The following CCDC73 variants were observed in gnomAD, a reference collection of about 807,000 sequenced individuals.
CCDC73 encodes coiled-coil domain containing 73.
CCDC73 carries 95 observed loss-of-function variants against 116.5 expected under a neutral mutation model. That is an observed-to-expected ratio of 0.82 (90% CI 0.69 to 0.97). The LOEUF is 0.97. Ranked by LOEUF, CCDC73 falls within the 50% of genes least tolerant of loss-of-function variation. The pLI is 0.00. For missense variants in CCDC73, 1,066 were observed against 1,206.8 expected, an observed-to-expected ratio of 0.88 and a Z score of 1.73; for synonymous variants, 398 against 401.3, an observed-to-expected ratio of 0.99 and a Z score of 0.10.
intron 2 of CCDC73, among the ~76,000 whole-genome samples, chr11:32,737,261 G>A (rs889243001): frequency 0.01 from 1,508 of 147,924 alleles, 28 homozygotes; most frequent in African/African-American, 0.036. Flanking sequence ...GTGTGTGTGT[G>A]TGTGTGTGTG....
chr11:32,793,411 T>A (rs1850693802), intron 1 of CCDC73, among the ~76,000 whole-genome samples: 1 of 152,126 alleles, frequency 6.6e-6, no homozygotes, highest in Non-Finnish European at 1.5e-5. Flanking sequence ...TAGGAATTTA[T>A]CACAACTAAA....
intron 6 of CCDC73, among the ~76,000 whole-genome samples, chr11:32,685,608 C>A (rs1856190655): frequency 6.6e-6 from 1 of 151,964 alleles, no homozygotes; most frequent in African/African-American, 2.4e-5. Context: ...GCAAGGGGAC[C>A]CAAATCATTG....
intron 1 of CCDC73, among the ~76,000 whole-genome samples, chr11:32,771,858 C>T (rs1340531124): frequency 2.0e-5 from 3 of 152,194 alleles, no homozygotes; most frequent in Non-Finnish European, 4.4e-5. Flanking sequence ...ACTAGGATTG[C>T]CTTACAATTT....
At chr11:32,797,032 A>AAAAAAAAAAAAAC, upstream of CCDC73, among the ~76,000 whole-genome samples, 1 of 150,788 alleles carries the variant, frequency 6.6e-6, no homozygotes, top group African/African-American at 2.5e-5. Flanking sequence ...AAAAAAAAAA[A>AAAAAAAAAAAAAC]AAGTAACAAC....
chr11:32,669,813 A>C (rs1856019838), intron 9 of CCDC73, among the ~76,000 whole-genome samples: 2 of 152,230 alleles, frequency 1.3e-5, no homozygotes, highest in Non-Finnish European at 2.9e-5. Context: ...TTCGTGGCTG[A>C]ATAGTACTCC....
At chr11:32,766,666 T>TACACCAA (rs1850445258) in intron 1 of CCDC73, among the ~76,000 whole-genome samples, 2 of 152,220 alleles carry the variant, frequency 1.3e-5, no homozygotes. Context: ...AGCATTCTTA[T>TACACCAA]ACACCAATAA....
chr11:32,822,763 G>A, the CCDC73 span, among the ~76,000 whole-genome samples: 2 of 150,466 alleles, frequency 1.3e-5, no homozygotes. Flanking sequence ...GAAATAAGAG[G>A]GAAGGAAAAG....
chr11:32,643,315 G>T (rs927563138), intron 12 of CCDC73, among the ~76,000 whole-genome samples: 7 of 151,966 alleles, frequency 4.6e-5, no homozygotes, highest in African/African-American at 1.7e-4. Flanking sequence ...TCTGTTTCAG[G>T]ATAACATAGA....
In CCDC73 at chr11:32,614,736, A is replaced by C. The variant is rs1279014894; in HGVS notation, c.1582T>G (p.Cys528Gly). 6.2e-7 allele frequency: 1 copy of C among 1,612,542 alleles called. No individual in the cohort carries two copies. Among genetic ancestry groups the C allele is most frequent in the African/African-American group, 1.3e-5 (1 of 74,952 alleles). Reference protein sequence around the residue: ...DKICLEKDNGCTEFKSPNNHF... With the variant: ...DKICLEKDNGGTEFKSPNNHF... The stretch of plus-strand genomic sequence containing the variant: ...TTATTTGGTGATTTAAATTCTGTAC[A>C]TCCATTGTCTTTTTCCAAGCATATC... Residue 528 changes from cysteine (C) to glycine (G), a missense_variant, in exon 16 of 18, where the codon TGT becomes GGT. Physicochemically the swap from Cys to Gly is radical, Grantham distance 159. Transcript: ENST00000335185.
At chr11:32,621,388 T>G (rs1487591659) in intron 14 of CCDC73, among the ~76,000 whole-genome samples, 1 of 152,146 alleles carries the variant, frequency 6.6e-6, no homozygotes, top group African/African-American at 2.4e-5. Context: ...AACCACCTGA[T>G]CTTCGACAAA....
intron 2 of CCDC73, among the ~76,000 whole-genome samples, chr11:32,757,244 T>G (rs889144837): frequency 6.6e-6 from 1 of 152,068 alleles, no homozygotes; most frequent in African/African-American, 2.4e-5. Context: ...GAGATAAGCT[T>G]ATCTTTAGTG....
In CCDC73 at chr11:32,653,177, A is replaced by C; in HGVS notation, c.885T>G (p.Ile295Met). ...CTGCCTCCATTTCAGTATTAGCTTG[A>C]ATTTGTTGCCGAAGTAACTGCTGCA... ...QHMQQLLRQQIQANTEMEAEL... is the reference protein window; with the variant it reads ...QHMQQLLRQQMQANTEMEAEL... Residue 295 changes from isoleucine to methionine, a missense_variant, in exon 12 of 18, where the codon ATT (isoleucine) becomes ATG (methionine). Transcript: ENST00000335185. 1 of 1,612,246 alleles carries C rather than the reference A, an allele frequency of 6.2e-7. No individual in the cohort carries two copies. The highest frequency in any genetic ancestry group is 8.5e-7 in the Non-Finnish European group (1 of 1,179,234).
chr11:32,818,767 G>T, the CCDC73 span, among the ~76,000 whole-genome samples: 1 of 152,210 alleles, frequency 6.6e-6, no homozygotes, highest in African/African-American at 2.4e-5. Context: ...ATGCACGTAT[G>T]TTCTCTTTGA....
intron 3 of CCDC73, among the ~76,000 whole-genome samples, chr11:32,710,305 T>C (rs1849888290): frequency 6.6e-6 from 1 of 152,230 alleles, no homozygotes; most frequent in Non-Finnish European, 1.5e-5. Flanking sequence ...TTCAGACTTT[T>C]TGATACAGGC....
chr11:32,608,754 C>T (rs1180762710), intron 17 of CCDC73, among the ~76,000 whole-genome samples: 1 of 152,218 alleles, frequency 6.6e-6, no homozygotes, highest in Non-Finnish European at 1.5e-5. Flanking sequence ...AAACTTCTGC[C>T]TGGACATCCA....
At chr11:32,644,147 A>G (rs1010932011) in intron 12 of CCDC73, among the ~76,000 whole-genome samples, 3 of 152,194 alleles carry the variant, frequency 2.0e-5, no homozygotes, top group African/African-American at 7.2e-5. Flanking sequence ...ATGGAATACT[A>G]CACAGCCATA....
At chr11:32,678,893 A>AT (rs1378241792) in intron 7 of CCDC73, among the ~76,000 whole-genome samples, 3,711 of 148,622 alleles carry the variant, frequency 0.025, 85 homozygotes, top group East Asian at 0.12. Context: ...AAAAAAAAAA[A>AT]AAAAATATAT....
chr11:32,660,460 C>T (rs1013805011), intron 9 of CCDC73, among the ~76,000 whole-genome samples: 26 of 151,782 alleles, frequency 1.7e-4, no homozygotes, highest in South Asian at 4.2e-4. Context: ...CTTTTTCATA[C>T]ATTTTATAAT....
chr11:32,613,985 T>A lies in CCDC73; in HGVS notation c.2333A>T (p.His778Leu). The change falls in exon 16 of 18, where the codon CAT becomes CTT. Residue 778 changes from histidine (H) to leucine (L), a missense_variant. Transcript: ENST00000335185. Reference sequence around the variant, plus strand: ...AGCATGACTATTCTCATTGTTAAGATGAAGATGGGAAATGTTCACATTAGT... The same window carrying A: ...AGCATGACTATTCTCATTGTTAAGAAGAAGATGGGAAATGTTCACATTAGT... ...ENTNVNISHLHLNNENSHASQ... is the reference protein window; with the variant it reads ...ENTNVNISHLLLNNENSHASQ... 1.9e-6 allele frequency: 3 copies of A among 1,611,092 alleles called. No homozygotes were observed. The highest frequency in any genetic ancestry group is 2.5e-6 in the Non-Finnish European group (3 of 1,179,844).
Sources: allele counts gnomAD v4.1 joint callset (sites outside exome capture counted in the v4.1 genomes callset), GRCh38; gene constraint gnomAD v4.1.1; transcripts MANE v1.5; gene names NCBI Gene and HGNC (gene_info 2026-07-23, HGNC 2026-07-21).